ITGB1: variants seen among roughly 807,000 people sequenced by gnomAD.
The protein encoded by ITGB1 is integrin beta-1.
A neutral mutation model predicts 86.5 loss-of-function variants in ITGB1; 24 were observed. The observed-to-expected ratio is 0.28, with a 90% CI of 0.20 to 0.39. The LOEUF is 0.39. Among genes scored for constraint, ITGB1 ranks in the 10% least tolerant of loss-of-function variants. The pLI, the probability that ITGB1 is intolerant of heterozygous loss-of-function variation, is 1.00. For missense variants in ITGB1, 556 were observed against 946.9 expected (o/e 0.59, Z 5.42); for synonymous variants, 323 against 316.8 (o/e 1.02, Z -0.21).
At chr10:32,918,934 T>C (rs1565822910) in intron 11 of ITGB1, among the ~76,000 whole-genome samples, 1 of 152,250 alleles carries the variant, frequency 6.6e-6, no homozygotes, top group Non-Finnish European at 1.5e-5. Flanking sequence ...TGTGTATTTT[T>C]AGAACACATA....
At chr10:32,919,744 T>C (rs1176428681) in intron 11 of ITGB1, 141 bp downstream of exon 11, 2 of 623,384 alleles carry the variant, frequency 3.2e-6, no homozygotes, top group African/African-American at 1.8e-5. Context: ...ATCATCAAAC[T>C]GATCTTGTGG....
intron 1 of ITGB1, chr10:32,957,816 C>A (rs1334364565): frequency 6.6e-6 from 1 of 152,216 alleles, no homozygotes; most frequent in Non-Finnish European, 1.5e-5. Flanking sequence ...CGGGCCCGGT[C>A]CCCCGCAGCT....
intron 1 of ITGB1, among the ~76,000 whole-genome samples, chr10:32,943,167 C>A (rs1053257233): frequency 2.0e-5 from 3 of 152,160 alleles, no homozygotes; most frequent in Admixed American, 6.5e-5. Flanking sequence ...CAAGTGACAA[C>A]TTAAATTTTC....
chr10:32,907,818 G>A (rs994864449), intron 15 of ITGB1, among the ~76,000 whole-genome samples: 1 of 151,808 alleles, frequency 6.6e-6, no homozygotes, highest in African/African-American at 2.4e-5. Context: ...TAGCTGATGA[G>A]CTTTAAAAAA....
intron 1 of ITGB1, among the ~76,000 whole-genome samples, chr10:32,939,786 C>T (rs1354284271): frequency 1.3e-5 from 2 of 151,888 alleles, no homozygotes; most frequent in African/African-American, 2.4e-5. Flanking sequence ...AGTGAGTACA[C>T]TGCACAGAAC....
At chr10:32,914,842 C>CCCAAAACAACAGAATATACATTCTT (rs2094926530) in intron 11 of ITGB1, among the ~76,000 whole-genome samples, 1 of 152,126 alleles carries the variant, frequency 6.6e-6, no homozygotes, top group African/African-American at 2.4e-5. Flanking sequence ...AACTCTCCAT[C>CCCAAAACAACAGAATATACATTCTT]CCAAAACAAC....
At chr10:32,943,073 TTC>T (rs780808976) in intron 1 of ITGB1, among the ~76,000 whole-genome samples, 27 of 152,208 alleles carry the variant, frequency 1.8e-4, no homozygotes, top group Admixed American at 1.3e-3. Flanking sequence ...TATGACATTT[TTC>T]TCTGACATTA....
At chr10:32,944,417 GC>G (rs951635443) in intron 1 of ITGB1, 1 of 317,880 alleles carries the variant, frequency 3.1e-6, no homozygotes. Flanking sequence ...CGCGGCAGCA[GC>G]CGTGATCATG....
At chr10:32,957,208 T>C (rs2095054134) in intron 1 of ITGB1, among the ~76,000 whole-genome samples, 2 of 152,180 alleles carry the variant, frequency 1.3e-5, no homozygotes. Flanking sequence ...AAACGGAAGC[T>C]TAGAGAATGC....
At chr10:32,905,932 T>C (rs2094895097) in intron 15 of ITGB1, among the ~76,000 whole-genome samples, 1 of 152,238 alleles carries the variant, frequency 6.6e-6, no homozygotes, top group Non-Finnish European at 1.5e-5. Context: ...AATTAACCTT[T>C]GTTATCAGAG....
chr10:32,909,705 C>T (rs1009853302), intron 14 of ITGB1, among the ~76,000 whole-genome samples: 2 of 151,932 alleles, frequency 1.3e-5, no homozygotes, highest in Admixed American at 1.3e-4. Flanking sequence ...GAAATGAAAG[C>T]TTATGTTCAC....
At chr10:32,903,696 T>C (rs1252771519) in intron 15 of ITGB1, among the ~76,000 whole-genome samples, 4 of 152,122 alleles carry the variant, frequency 2.6e-5, no homozygotes. Context: ...CAGCATATAA[T>C]GTGGATGACA....
At chr10:32,952,098 T>C (rs1389764658) in intron 1 of ITGB1, among the ~76,000 whole-genome samples, 1 of 152,170 alleles carries the variant, frequency 6.6e-6, no homozygotes. Context: ...AAAACCATGA[T>C]AAACATAGGA....
chr10:32,947,145 C>T (rs2095033182), intron 1 of ITGB1, among the ~76,000 whole-genome samples: 1 of 152,014 alleles, frequency 6.6e-6, no homozygotes, highest in South Asian at 2.1e-4. Context: ...ACCTGGCCTA[C>T]TTCATTCTTT....
intron 11 of ITGB1, among the ~76,000 whole-genome samples, chr10:32,918,167 G>A (rs1192937349): frequency 1.3e-5 from 2 of 152,092 alleles, no homozygotes; most frequent in East Asian, 3.9e-4. Flanking sequence ...ACACAGGGTG[G>A]GGAACATCAC....
rs540573876 is a variant in ITGB1 at position 32,925,187 on chromosome 10, C to T, written c.786+684G>A. On this transcript the variant is annotated intron_variant, in intron 6 of 15. Coordinates refer to ENST00000302278, the MANE Select transcript of ITGB1 (RefSeq NM_002211.4). ...TTGACATGACAATGTCTTCTAGTTT[C>T]AGCCTCAGCCACATCATTAAAGTGT... Among the ~76,000 whole-genome samples, 226 of 152,274 alleles carry T rather than the reference C, an allele frequency of 1.5e-3. 2 individuals are homozygous for T. Among genetic ancestry groups the T allele is most frequent in the African/African-American group, 5.2e-3 (216 of 41,556 alleles).
rs79486489 is a variant in ITGB1 at position 32,936,503 on chromosome 10, G to C, written c.1-945C>G. On this transcript the variant is annotated intron_variant, in intron 1 of 15. Transcript: ENST00000302278. The stretch of plus-strand genomic sequence containing the variant: ...TAAAATACTCAGTTTTAATTTCCTA[G>C]AGTGTCCAGACCCCCCACCTCTCCC... 4.3e-3 allele frequency among the ~76,000 whole-genome samples: 651 copies of C among 151,942 alleles called. 2 individuals carry two copies. Among genetic ancestry groups the C allele is most frequent in the Non-Finnish European group, 6.8e-3 (465 of 67,968 alleles).
Position 32,912,205 on chromosome 10 carries a change from C to T in ITGB1, c.1470-81G>A. On this transcript the variant is annotated intron_variant, in intron 11 of 15. Transcript: ENST00000302278. The stretch of plus-strand genomic sequence containing the variant: ...CCAAGATGGCCAAACAGGAACAGCT[C>T]TAGTCTACAGCTCCCAGCGTGAGCG... 2.8e-6 allele frequency: 3 copies of T among 1,068,596 alleles called. 1 individual carries two copies. In the South Asian group the frequency reaches 4.3e-5, roughly 15 times the overall value. The allele number at this position is 1,068,596 out of a possible 1,614,324, so 66.2% of individuals were successfully genotyped here.
At chr10:32,926,275 T>C (rs1486983124) in intron 5 of ITGB1, among the ~76,000 whole-genome samples, 166 bp from the exon 6 acceptor site, 1 of 152,148 alleles carries the variant, frequency 6.6e-6, no homozygotes, top group Non-Finnish European at 1.5e-5. Flanking sequence ...ATTCCCAACA[T>C]GATGGTATTA....
Sources: allele counts gnomAD v4.1 joint callset (sites outside exome capture counted in the v4.1 genomes callset), GRCh38; gene constraint gnomAD v4.1.1; transcripts MANE v1.5; gene names NCBI Gene and HGNC (gene_info 2026-07-23, HGNC 2026-07-21).